The following WWC2 variants were observed in gnomAD, a reference collection of about 807,000 sequenced individuals.
WWC2 encodes the protein WW and C2 domain containing 2.
In WWC2, 101 loss-of-function variants were observed where a neutral mutation model predicts 138.5. That is an observed-to-expected ratio of 0.73 (90% CI 0.62 to 0.86). The LOEUF (loss-of-function observed/expected upper bound fraction) is 0.86. Ranked by LOEUF, WWC2 falls within the 40% of genes least tolerant of loss-of-function variation. The pLI is 0.00. For synonymous variants in WWC2, 558 were observed against 538.4 expected (o/e 1.04, Z -0.50); for missense variants, 1,420 against 1,419.4 (o/e 1.00, Z -0.01).
intron 1 of WWC2, among the ~76,000 whole-genome samples, chr4:183,133,589 C>T (rs1733010163): frequency 6.6e-6 from 1 of 152,110 alleles, no homozygotes; most frequent in Non-Finnish European, 1.5e-5. Context: ...CTCTGCCTTC[C>T]AGGTTCAAAT....
At chr4:183,307,986 A>T (rs1048108227) in intron 21 of WWC2, among the ~76,000 whole-genome samples, 1 of 152,216 alleles carries the variant, frequency 6.6e-6, no homozygotes, top group Non-Finnish European at 1.5e-5. Flanking sequence ...CACAAACCTA[A>T]CAAACAGAAA....
rs964867225 is a variant in WWC2, at chr4:183,259,622, A to ATTTTT, written c.1197-13_1197-9dup. The ATTTTT allele has an allele frequency of 6.7e-7, 1 of 1,483,570 alleles. No individual in the cohort carries two copies. 91.9% of individuals were successfully genotyped at this position (1,483,570 alleles called of 1,614,324 possible). ...ATTTTGTTATAATCATTTGAAAATA[A>ATTTTT]TTTTTTTTCTTCCTAGATTGAGATT... On this transcript the variant is annotated splice_polypyrimidine_tract_variant and intron_variant, in intron 9 of 22. Coordinates refer to ENST00000403733, the MANE Select transcript of WWC2 (RefSeq NM_024949.6).
intron 1 of WWC2, among the ~76,000 whole-genome samples, chr4:183,124,536 CTT>C (rs370409813): frequency 1.8e-4 from 22 of 122,740 alleles, no homozygotes; most frequent in Non-Finnish European, 2.4e-4. Context: ...TCCTTTTTCT[CTT>C]TTTTTTTTTT....
chr4:183,228,348 G>A (rs1032708728), intron 4 of WWC2, among the ~76,000 whole-genome samples: 1 of 151,976 alleles, frequency 6.6e-6, no homozygotes, highest in African/African-American at 2.4e-5. Context: ...TATAACGTTT[G>A]GTATTTGATA....
rs572975748 is a variant in WWC2 at position 183,207,903 on chromosome 4, C to T, written c.242-50C>T. The T allele has an allele frequency of 4.2e-5, 63 of 1,500,574 alleles. 1 individual carries two copies. The highest frequency in any genetic ancestry group is 3.7e-4 in the South Asian group (27 of 73,608). 93.0% of individuals were successfully genotyped at this position (1,500,574 alleles called of 1,614,324 possible). A position where few individuals can be genotyped will look rare whatever the true frequency, so the allele number is the denominator to read the frequency against. On this transcript the variant is annotated intron_variant, in intron 2 of 22. Transcript: ENST00000403733. ...CCTACTCCCTAAAGCTTAAACAAGC[C>T]GGAAAACAAAGTTAAATTCTAAAAA...
chr4:183,284,428 C>T, intron 19 of WWC2, 38 bp downstream of exon 19: 2 of 1,597,366 alleles, frequency 1.3e-6, no homozygotes, highest in Non-Finnish European at 1.7e-6. Context: ...GCTGGGACTG[C>T]AGCTTCTTCC....
Position 183,319,452 on chromosome 4 carries a change from T to C in WWC2, c.*3723T>C. On this transcript the variant is annotated 3_prime_UTR_variant, in exon 23 of 23. Coordinates refer to ENST00000403733, the MANE Select transcript of WWC2 (RefSeq NM_024949.6). ...TTTAATAGCCACAGGAAAAGATGCA[T>C]TTTCAAAAATCAAAAGCACAGTGAG... 1 of 1,226,866 alleles carries C rather than the reference T, an allele frequency of 8.2e-7. No homozygotes were observed. The highest frequency in any genetic ancestry group is 2.4e-5 in the East Asian group (1 of 42,514). 76.0% of individuals were successfully genotyped at this position (1,226,866 alleles called of 1,614,324 possible).
intron 1 of WWC2, among the ~76,000 whole-genome samples, chr4:183,132,263 A>G (rs960413068): frequency 2.6e-5 from 4 of 152,098 alleles, no homozygotes; most frequent in Admixed American, 2.0e-4. Flanking sequence ...CTCCCAGTAC[A>G]GTGTTGAATT....
chr4:183,220,704 G>C (rs1347381670), intron 4 of WWC2, among the ~76,000 whole-genome samples: 1 of 151,934 alleles, frequency 6.6e-6, no homozygotes, highest in East Asian at 1.9e-4. Flanking sequence ...CGTGGTGGCG[G>C]GCGCCTGTAG....
Position 183,222,698 on chromosome 4 carries a change from G to A in WWC2, c.522+13673G>A, listed in dbSNP as rs572706399. On this transcript the variant is annotated intron_variant, in intron 4 of 22. Transcript: ENST00000403733. The stretch of plus-strand genomic sequence containing the variant: ...TAAAAATATGTGGCCAGGCGTGGTG[G>A]CTCACTCCTAGCACTTTGGGAGGCT... 2.2e-3 allele frequency among the ~76,000 whole-genome samples: 328 copies of A among 152,220 alleles called. 1 individual carries two copies. Among genetic ancestry groups the A allele is most frequent in the African/African-American group, 7.7e-3 (318 of 41,536 alleles).
At chr4:183,168,663 G>A (rs10020186) in intron 1 of WWC2, among the ~76,000 whole-genome samples, 144,783 of 152,168 alleles carry the variant, frequency 0.95, 69,305 homozygotes, top group Non-Finnish European at 1. Context: ...TTATCATTCC[G>A]TCCCTGGGTG....
At position 183,315,790 on chromosome 4, in the gene WWC2, G is replaced by T; in HGVS notation, c.*61G>T. ...ACTTTCTTAGGGAGGGTAAAAGACT[G>T]AAGATTTGTGTTTTTGTTTTGGTGT... On this transcript the variant is annotated 3_prime_UTR_variant, in exon 23 of 23. Coordinates refer to ENST00000403733, the MANE Select transcript of WWC2 (RefSeq NM_024949.6). 7.2e-7 allele frequency: 1 copy of T among 1,393,810 alleles called. No homozygotes were observed. The allele number at this position is 1,393,810 out of a possible 1,614,324, so 86.3% of individuals were successfully genotyped here.
chr4:183,312,378 A>G lies in WWC2; in HGVS notation c.3422A>G (p.Asn1141Ser), dbSNP rs1739282553. ...QSKEEQKQGLNAEKLMRQVSK... is the reference protein window; with the variant it reads ...QSKEEQKQGLSAEKLMRQVSK... ...AAAGAAGAGCAGAAGCAAGGTCTGA[A>G]TGCAGAGAAGTTGATGAGGCAAGTC... Residue 1141 changes from asparagine to serine, a missense_variant, in exon 22 of 23, where the codon AAT (asparagine) becomes AGT (serine). Coordinates refer to ENST00000403733, the MANE Select transcript of WWC2 (RefSeq NM_024949.6). The G allele has an allele frequency of 6.2e-7, 1 of 1,613,796 alleles. No homozygotes were observed. Among genetic ancestry groups the G allele is most frequent in the Non-Finnish European group, 8.5e-7 (1 of 1,179,750 alleles).
intron 2 of WWC2, among the ~76,000 whole-genome samples, chr4:183,195,301 G>T (rs754631980): frequency 3.3e-5 from 5 of 152,104 alleles, no homozygotes; most frequent in Non-Finnish European, 7.4e-5. Flanking sequence ...AGTAGTATTT[G>T]GGAAACCAGA....
At chr4:183,249,369 C>T (rs1466187797) in intron 7 of WWC2, among the ~76,000 whole-genome samples, 3 of 152,154 alleles carry the variant, frequency 2.0e-5, no homozygotes, top group African/African-American at 7.2e-5. Flanking sequence ...TTTTGGGATG[C>T]CATTAGCAGG....
chr4:183,269,632 T>C, intron 15 of WWC2: 2 of 382,282 alleles, frequency 5.2e-6, no homozygotes, highest in Non-Finnish European at 1.0e-5. Flanking sequence ...ATACAACTAG[T>C]AAGCGATGAA....
At chr4:183,298,676 A>G (rs963935158) in intron 21 of WWC2, among the ~76,000 whole-genome samples, 14 of 152,374 alleles carry the variant, frequency 9.2e-5, no homozygotes, top group African/African-American at 3.1e-4. Context: ...ATGCACTAAT[A>G]GGATTTTATA....
rs761856285 is a variant in WWC2, at chr4:183,319,894, C to G, written c.*4165C>G. On this transcript the variant is annotated 3_prime_UTR_variant, in exon 23 of 23. Transcript: ENST00000403733. ...CGCCTCTTGAGATCTCTCTGACTCT[C>G]TCCAATTCTCAAACAGTCCAGGCCA... 6.2e-7 allele frequency: 1 copy of G among 1,613,948 alleles called. No individual in the cohort carries two copies. Among genetic ancestry groups the G allele is most frequent in the Admixed American group, 1.7e-5 (1 of 60,008 alleles).
At chr4:183,298,888 G>T (rs1738726882) in intron 21 of WWC2, among the ~76,000 whole-genome samples, 1 of 152,150 alleles carries the variant, frequency 6.6e-6, no homozygotes, top group Admixed American at 6.5e-5. Context: ...TAATTCTGAA[G>T]TCCCAGGTGA....
Sources: allele counts gnomAD v4.1 joint callset (sites outside exome capture counted in the v4.1 genomes callset), GRCh38; gene constraint gnomAD v4.1.1; transcripts MANE v1.5; gene names NCBI Gene and HGNC (gene_info 2026-07-23, HGNC 2026-07-21).